IPP: variants seen among roughly 807,000 people sequenced by gnomAD.
IPP encodes the protein actin-binding protein IPP.
Under a neutral mutation model 64.1 loss-of-function variants are expected in IPP, and 41 were observed. The observed-to-expected ratio is 0.64, with a 90% CI of 0.50 to 0.83. IPP has a LOEUF of 0.83. IPP is among the 40% of genes least tolerant of loss of function. The pLI is 0.00. For synonymous variants in IPP, 214 were observed against 235.2 expected (o/e 0.91, Z 0.83); for missense variants, 649 against 703.0 (o/e 0.92, Z 0.87).
At chr1:45,704,488 G>A (rs1364225389) in intron 8 of IPP, among the ~76,000 whole-genome samples, 8 of 152,024 alleles carry the variant, frequency 5.3e-5, no homozygotes, top group Admixed American at 2.0e-4. Flanking sequence ...CACCCGCCTC[G>A]GCCTCCCCAA....
rs970161033 is a variant in IPP, at chr1:45,717,024, T to C, written c.1187-7A>G. ...TCAGCTCCAACCCATCCACCTGTAA[T>C]GAAATAGAAAAATGTTTGTTTCCGG... On this transcript the variant is annotated splice_region_variant and splice_polypyrimidine_tract_variant and intron_variant, in intron 6 of 8. Transcript: ENST00000396478. 3 of 1,609,300 alleles carry C rather than the reference T, an allele frequency of 1.9e-6. No homozygotes were observed. Among genetic ancestry groups the C allele is most frequent in the Admixed American group, 1.7e-5 (1 of 58,536 alleles).
Position 45,699,853 on chromosome 1 carries a change from A to G in IPP, c.*113T>C. On this transcript the variant is annotated 3_prime_UTR_variant, in exon 9 of 9. Transcript: ENST00000396478. ...CTCGTTAGTCATTTATCTACCAAAT[A>G]CATGGAAAACTCACAGAATCAGAGG... is the stretch of plus-strand genomic sequence containing the variant. The G allele has an allele frequency of 6.6e-7, 1 of 1,506,028 alleles. No individual in the cohort carries two copies. The highest frequency in any genetic ancestry group is 2.3e-5 in the East Asian group (1 of 43,180). 93.3% of individuals were successfully genotyped at this position (1,506,028 alleles called of 1,614,324 possible). A position where few individuals can be genotyped will look rare whatever the true frequency, so the allele number is the denominator to read the frequency against.
downstream of IPP, among the ~76,000 whole-genome samples, chr1:45,695,191 GGGTCT>G (rs1645376169): frequency 1.3e-5 from 2 of 152,150 alleles, no homozygotes; most frequent in African/African-American, 4.8e-5. Flanking sequence ...TTTAAACGCA[GGGTCT>G]CACTCTTGCT....
intron 8 of IPP, among the ~76,000 whole-genome samples, chr1:45,710,173 C>G (rs1302397799): frequency 1.0e-5 from 1 of 97,538 alleles, no homozygotes; most frequent in Non-Finnish European, 2.2e-5. Flanking sequence ...TGCAGTGAGC[C>G]GAGATCACGC....
intron 8 of IPP, among the ~76,000 whole-genome samples, chr1:45,701,475 G>A (rs1221742779): frequency 1.3e-5 from 2 of 152,138 alleles, no homozygotes; most frequent in Admixed American, 1.3e-4. Context: ...TTTTGGTAGA[G>A]ACAGTTTCAC....
At chr1:45,734,959 T>C (rs530899759) in intron 3 of IPP, among the ~76,000 whole-genome samples, 1 of 152,260 alleles carries the variant, frequency 6.6e-6, no homozygotes, top group South Asian at 2.1e-4. Context: ...TTTATATTTT[T>C]AGTAGAGACA....
chr1:45,699,129 C>G lies in IPP; in HGVS notation c.*837G>C. The stretch of plus-strand genomic sequence containing the variant: ...CTCCTATTAATTCCTTACTTGCATT[C>G]TCAGGATCAAGACAAAAAATATGAG... On this transcript the variant is annotated 3_prime_UTR_variant, in exon 9 of 9. Transcript: ENST00000396478. 1.0e-6 allele frequency: 1 copy of G among 985,318 alleles called. No individual in the cohort carries two copies. The highest frequency in any genetic ancestry group is 1.2e-6 in the Non-Finnish European group (1 of 829,908). The allele number at this position is 985,318 out of a possible 1,614,324, so 61.0% of individuals were successfully genotyped here. A position where few individuals can be genotyped will look rare whatever the true frequency, so the allele number is the denominator to read the frequency against.
chr1:45,709,448 A>AAAAAAAC (rs1056972148), intron 8 of IPP, among the ~76,000 whole-genome samples: 1 of 148,374 alleles, frequency 6.7e-6, no homozygotes, highest in Admixed American at 6.8e-5. Context: ...AAAAAAAAAA[A>AAAAAAAC]AGAGAAGCTC....
At chr1:45,715,405 G>A (rs1270247056) in intron 7 of IPP, among the ~76,000 whole-genome samples, 2 of 151,964 alleles carry the variant, frequency 1.3e-5, no homozygotes, top group Non-Finnish European at 2.9e-5. Flanking sequence ...ACTTTAGGGG[G>A]CCAAGGTGGG....
intron 5 of IPP, among the ~76,000 whole-genome samples, chr1:45,725,124 G>T (rs1645798569): frequency 5.0e-5 from 4 of 79,590 alleles, no homozygotes; most frequent in Non-Finnish European, 8.1e-5. Context: ...GGGGGGGTCA[G>T]CCCCCCGCCC....
In IPP at chr1:45,714,435, A is replaced by G. The variant is rs776248909; in HGVS notation, c.1341T>C (p.Asn447=). The change falls in exon 8 of 9, where the codon AAT becomes AAC. Residue 447 remains asparagine, a synonymous_variant. Coordinates refer to ENST00000396478, the MANE Select transcript of IPP (RefSeq NM_005897.3). ...GLIYVIGGIS[N]EGIELRSFEV... ...CAAAAGAACGAAGTTCTATTCCTTC[A>G]TTGCTGATGCCCCCAATTACATAAA... 1.2e-6 allele frequency: 2 copies of G among 1,613,518 alleles called. No individual in the cohort carries two copies. The highest frequency in any genetic ancestry group is 1.7e-6 in the Non-Finnish European group (2 of 1,179,400).
intron 7 of IPP, among the ~76,000 whole-genome samples, chr1:45,715,766 C>T (rs529553659): frequency 6.6e-6 from 1 of 152,246 alleles, no homozygotes; most frequent in Non-Finnish European, 1.5e-5. Context: ...GCTTCCTCAT[C>T]TATAACTTAA....
chr1:45,729,696 G>C lies in IPP; in HGVS notation c.798C>G (p.Pro266=). 1 of 1,610,916 alleles carries C rather than the reference G, an allele frequency of 6.2e-7. No individual in the cohort carries two copies. The highest frequency in any genetic ancestry group is 8.5e-7 in the Non-Finnish European group (1 of 1,177,546). Residue 266 remains proline (P), a synonymous_variant, in exon 4 of 9, where the codon CCC becomes CCG. Transcript: ENST00000396478. ...LKEYCEVCKS[P]KENKFCSFLQ... ...GAAAACTACAAAACTTGTTCTCTTT[G>C]GGAGATTTGCATACTTCACAGTACT...
chr1:45,722,324 G>T (rs1645744414), intron 5 of IPP, among the ~76,000 whole-genome samples: 1 of 151,878 alleles, frequency 6.6e-6, no homozygotes, highest in African/African-American at 2.4e-5. Context: ...GCCAAGGCGG[G>T]TAGATCACCT....
At chr1:45,744,801 T>G (rs1477630677) in intron 2 of IPP, among the ~76,000 whole-genome samples, 1 of 150,170 alleles carries the variant, frequency 6.7e-6, no homozygotes, top group Non-Finnish European at 1.5e-5. Context: ...ACCACGCCAC[T>G]ACACTCCAGC....
chr1:45,749,495 T>G (rs1255243530), intron 1 of IPP, among the ~76,000 whole-genome samples: 5 of 136,832 alleles, frequency 3.7e-5, no homozygotes, highest in Admixed American at 7.4e-5. Flanking sequence ...TGATTTTTTG[T>G]TTTTTTTTTT....
intron 1 of IPP, among the ~76,000 whole-genome samples, chr1:45,747,942 G>T (rs987372754): frequency 2.0e-5 from 3 of 149,658 alleles, no homozygotes; most frequent in African/African-American, 4.9e-5. Context: ...TGTAATTTAG[G>T]TATCAATGAC....
intron 5 of IPP, among the ~76,000 whole-genome samples, chr1:45,722,018 G>A (rs973061201): frequency 3.9e-5 from 6 of 152,110 alleles, no homozygotes; most frequent in South Asian, 2.1e-4. Context: ...GCAGTGAGCC[G>A]AGATCACGCC....
chr1:45,706,778 T>C (rs767525559), intron 8 of IPP, among the ~76,000 whole-genome samples: 1 of 152,130 alleles, frequency 6.6e-6, no homozygotes, highest in Non-Finnish European at 1.5e-5. Flanking sequence ...CTCAAAAATA[T>C]CAGTCTGATT....
Sources: gnomAD v4.1 joint callset for allele counts (sites outside exome capture counted in the v4.1 genomes callset) on GRCh38, gnomAD v4.1.1 for gene constraint, MANE v1.5 for transcripts, NCBI Gene and HGNC (gene_info 2026-07-23, HGNC 2026-07-21) for gene names.